Variants in CDHR4 observed in about 807,000 individuals in gnomAD.
CDHR4 encodes the protein cadherin-related family member 4.
In CDHR4, 89 loss-of-function variants were observed where a neutral mutation model predicts 88.4. That is an observed-to-expected ratio of 1.01 (90% CI 0.85 to 1.20). The LOEUF is 1.20. CDHR4 is among the 50% of genes most tolerant of loss of function. CDHR4 has a pLI of 0.00. For synonymous variants in CDHR4, 368 were observed against 399.2 expected, an observed-to-expected ratio of 0.92 and a Z score of 0.93; for missense variants, 914 against 1,007.2, an observed-to-expected ratio of 0.91 and a Z score of 1.25.
chr3:49,799,537 T>C, intron 1 of CDHR4, 100 bp from the exon 2 acceptor site: 1 of 1,313,824 alleles, frequency 7.6e-7, no homozygotes, highest in Non-Finnish European at 1.0e-6. Flanking sequence ...GGCCATGCCA[T>C]GGGGCCAAGC....
At position 49,796,950 on chromosome 3, in the gene CDHR4, G is replaced by A. The variant is rs560357842; in HGVS notation, c.578C>T (p.Ser193Phe). The A allele has an allele frequency of 3.5e-5, 55 of 1,551,698 alleles. No homozygotes were observed. In the South Asian group the frequency reaches 6.1e-4, roughly 17 times the overall value. ...INEQGWLQAPSQGLLGQAQKV... is the reference protein window; with the variant it reads ...INEQGWLQAPFQGLLGQAQKV... ...TTGAGCCTGGCCTAGGAGGCCCTGG[G>A]ATGGTGCCTGCAGCCAACCTTGCTC... The change falls in exon 5 of 19, where the codon TCC becomes TTC. Residue 193 changes from serine (S) to phenylalanine (F), a missense_variant. By Grantham distance (155) the Ser-to-Phe change is radical (BLOSUM62 -2). Coordinates refer to ENST00000412678, the MANE Select transcript of CDHR4 (RefSeq NM_001007540.4).
Position 49,799,306 on chromosome 3 carries a change from G to C in CDHR4, c.181C>G (p.Pro61Ala). 6.2e-7 allele frequency: 1 copy of C among 1,613,960 alleles called. No homozygotes were observed. Among genetic ancestry groups the C allele is most frequent in the Non-Finnish European group, 8.5e-7 (1 of 1,179,850 alleles). ...CTGGGTGGGTTGAAGAAGGTGGTGG[G>C]TGGCTGGACATTGAGCAACTCCAGG... is the stretch of plus-strand genomic sequence containing the variant. ...PTLELLNVQP[P>A]TTFFNPPSLA... Residue 61 changes from proline to alanine, a missense_variant, in exon 2 of 19, where the codon CCC becomes GCC. Physicochemically the swap from Pro to Ala is conservative, Grantham distance 27 (BLOSUM62 -1). Transcript: ENST00000412678.
intron 5 of CDHR4, among the ~76,000 whole-genome samples, chr3:49,796,486 G>A (rs554946409): frequency 2.2e-4 from 34 of 152,082 alleles, no homozygotes; most frequent in African/African-American, 7.2e-4. Context: ...ACAGGCATGC[G>A]CCACCATGCT....
chr3:49,798,498 G>T, intron 4 of CDHR4: 1 of 351,062 alleles, frequency 2.8e-6, no homozygotes, highest in Non-Finnish European at 5.1e-6. Flanking sequence ...TGAGGCAGGA[G>T]AATGGCATGA....
intron 12 of CDHR4, 113 bp from the exon 13 acceptor site, chr3:49,793,424 A>G: frequency 6.9e-7 from 1 of 1,453,772 alleles, no homozygotes; most frequent in Admixed American, 2.3e-5. Flanking sequence ...TGATGAAGTC[A>G]TCACACAACA....
At position 49,790,830 on chromosome 3, in the gene CDHR4, C is replaced by T. The variant is rs1459591415; in HGVS notation, c.*2G>A. 6.4e-7 allele frequency: 1 copy of T among 1,551,154 alleles called. No individual in the cohort carries two copies. The highest frequency in any genetic ancestry group is 2.0e-5 in the Admixed American group (1 of 50,878). On this transcript the variant is annotated 3_prime_UTR_variant, in exon 19 of 19. Coordinates refer to ENST00000412678, the MANE Select transcript of CDHR4 (RefSeq NM_001007540.4). ...CACACATAGTAAGACAGCTACTTGG[C>T]CTCAGAGCCAGCGCCGGGCTCCTGT...
chr3:49,792,292 A>C (rs1449943171), intron 15 of CDHR4, among the ~76,000 whole-genome samples, 176 bp downstream of exon 15: 1 of 152,202 alleles, frequency 6.6e-6, no homozygotes, highest in Non-Finnish European at 1.5e-5. Flanking sequence ...GCTTCCTCCC[A>C]GTGTCTCTCT....
chr3:49,795,151 A>G lies in CDHR4; in HGVS notation c.1031+45T>C, dbSNP rs1366342554. 6.4e-7 allele frequency: 1 copy of G among 1,551,422 alleles called. No homozygotes were observed. The highest frequency in any genetic ancestry group is 1.4e-5 in the African/African-American group (1 of 73,038). ...CAGGAGTCTGGCAGTACCCTGAGTC[A>G]TGGCTCTGACCCCAGCAGCCCAAGT... On this transcript the variant is annotated intron_variant, in intron 8 of 18. Coordinates refer to ENST00000412678, the MANE Select transcript of CDHR4 (RefSeq NM_001007540.4). This position sits in a 1 kb window ranked among gnomAD's most constrained non-coding sequence, Gnocchi z 5.4.
At chr3:49,791,396 G>C (rs904866407) in intron 18 of CDHR4, 45 bp downstream of exon 18, 1 of 1,525,018 alleles carries the variant, frequency 6.6e-7, no homozygotes, top group African/African-American at 1.4e-5. Context: ...ACTCAGATGG[G>C]GTGAGGGCCC....
chr3:49,798,587 CAAAAAA>C (rs1204316024), intron 4 of CDHR4: 329 of 403,022 alleles, frequency 8.2e-4, no homozygotes, highest in Non-Finnish European at 1.2e-3. Flanking sequence ...GACTCCGTCT[CAAAAAA>C]AAAAAAAAAA....
rs1214674073 is a variant in CDHR4 at position 49,791,747 on chromosome 3, C to T, written c.2250G>A (p.Glu750=). The T allele has an allele frequency of 6.4e-7, 1 of 1,551,718 alleles. No individual in the cohort carries two copies. The highest frequency in any genetic ancestry group is 1.2e-5 in the South Asian group (1 of 84,062). ...TGACACTGCTGGGTGCCTGGGACAT[C>T]TCCATCTTCGGTGCCTCCAGGAAAC... is the stretch of plus-strand genomic sequence containing the variant. ...IEGFLEAPKM[E]MSQAPSSVMS... The change falls in exon 17 of 19, where the codon GAG becomes GAA. Residue 750 remains glutamate, a synonymous_variant. Transcript: ENST00000412678.
chr3:49,791,470 T>G lies in CDHR4; in HGVS notation c.2284-2A>C. 6.5e-7 allele frequency: 1 copy of G among 1,544,744 alleles called. No individual in the cohort carries two copies. Among genetic ancestry groups the G allele is most frequent in the South Asian group, 1.2e-5 (1 of 82,792 alleles). ...GTCCTGTGCTCTGCCATCAAAATGC[T>G]GCTGAGGGAAAAAAAAAAAAGATGC... On this transcript the variant is annotated splice_acceptor_variant, in intron 17 of 18. Transcript: ENST00000412678. LOFTEE classifies it high-confidence loss of function.
chr3:49,799,176 C>A lies in CDHR4; in HGVS notation c.241-20G>T, dbSNP rs746367843. On this transcript the variant is annotated intron_variant, in intron 2 of 18. Transcript: ENST00000412678. ...GGTCAACTGGGGTGGGTGGACAGTG[C>A]CATGTGGGGCTTGGAAATTTTAGGT... 3.1e-6 allele frequency: 5 copies of A among 1,590,346 alleles called. No homozygotes were observed. The highest frequency in any genetic ancestry group is 1.7e-4 in the Middle Eastern group (1 of 6,002).
chr3:49,793,635 T>C lies in CDHR4; in HGVS notation c.1571A>G (p.Gln524Arg). The change falls in exon 12 of 19, where the codon CAG becomes CGG. Residue 524 changes from glutamine (Q) to arginine (R), a missense_variant. Coordinates refer to ENST00000412678, the MANE Select transcript of CDHR4 (RefSeq NM_001007540.4). ...GCCTGAGAGGTGATGGTTGGGGTTC[T>C]GGTCTTGGCCATGGTCAATCACAAG... ...TVLVIDHGQD[Q>R]NPNHHLSGSC... is the part of the protein sequence containing the mutation. 1 of 1,551,770 alleles carries C rather than the reference T, an allele frequency of 6.4e-7. No individual in the cohort carries two copies. The highest frequency in any genetic ancestry group is 8.7e-7 in the Non-Finnish European group (1 of 1,147,002).
chr3:49,801,491 A>G (rs1468066678), upstream of CDHR4, among the ~76,000 whole-genome samples: 2 of 152,134 alleles, frequency 1.3e-5, no homozygotes, highest in Admixed American at 1.3e-4. Context: ...TCCAGTGCTG[A>G]TCTCTCTCCT....
At position 49,793,902 on chromosome 3, in the gene CDHR4, G is replaced by C. The variant is rs778456492; in HGVS notation, c.1384C>G (p.Leu462Val). ...VQEDAAPHTL[L>V]GSVVGTDMDY... ...ATATCCGTGCCCACCACGGAGCCCA[G>C]TAGAGTGTGGGGCGCCGCATCCTCC... Residue 462 changes from leucine to valine, a missense_variant, in exon 11 of 19, where the codon CTG becomes GTG. Transcript: ENST00000412678. The C allele has an allele frequency of 6.4e-7, 1 of 1,551,784 alleles. No homozygotes were observed.
intron 10 of CDHR4, 84 bp from the exon 11 acceptor site, chr3:49,794,090 C>T (rs1359213621): frequency 7.3e-7 from 1 of 1,362,344 alleles, no homozygotes; most frequent in African/African-American, 1.4e-5. Context: ...AGGGCCCTGC[C>T]CTGGGGGTCT....
At chr3:49,802,870 C>A (rs2081381211), upstream of CDHR4, among the ~76,000 whole-genome samples, 1 of 152,262 alleles carries the variant, frequency 6.6e-6, no homozygotes, top group Non-Finnish European at 1.5e-5. Flanking sequence ...GTGCCAAGGC[C>A]AGCCTCACGA....
In CDHR4 at chr3:49,795,777, G is replaced by C. The variant is rs138102022; in HGVS notation, c.711-13C>G. ...CTGAGCCTGCTCGCTGGACCAAAAG[G>C]GGGGCACTGGTTCCTGCCCATTCCT... On this transcript the variant is annotated splice_polypyrimidine_tract_variant and intron_variant, in intron 6 of 18. Coordinates refer to ENST00000412678, the MANE Select transcript of CDHR4 (RefSeq NM_001007540.4). This position sits in a 1 kb window ranked among gnomAD's most constrained non-coding sequence, Gnocchi z 5.4. 47 of 1,551,616 alleles carry C rather than the reference G, an allele frequency of 3.0e-5. No homozygotes were observed. In the African/African-American group the frequency reaches 3.6e-4, roughly 12 times the overall value.
Sources: allele counts gnomAD v4.1 joint callset (sites outside exome capture counted in the v4.1 genomes callset), GRCh38; gene constraint gnomAD v4.1.1; non-coding constraint Gnocchi (gnomAD v3.1); transcripts MANE v1.5; gene names NCBI Gene and HGNC (gene_info 2026-07-23, HGNC 2026-07-21).